The following TAFA2 variants were observed in gnomAD, a reference collection of about 807,000 sequenced individuals.
TAFA2 encodes the protein chemokine-like protein TAFA-2.
Under a neutral mutation model 18.8 loss-of-function variants are expected in TAFA2, and 7 were observed. The observed-to-expected ratio is 0.37, with a 90% CI of 0.21 to 0.70. The LOEUF is 0.70. TAFA2 is among the 30% of genes least tolerant of loss of function. The probability of loss-of-function intolerance (pLI) is 0.53; values close to 1 mark genes in which losing one functional copy is unlikely to be tolerated. For missense variants in TAFA2, 122 were observed against 158.1 expected, an observed-to-expected ratio of 0.77 and a Z score of 1.23; for synonymous variants, 60 against 54.2, an observed-to-expected ratio of 1.11 and a Z score of -0.47.
chr12:62,079,790 T>G (rs1868292463), intron 1 of TAFA2, among the ~76,000 whole-genome samples: 1 of 152,158 alleles, frequency 6.6e-6, no homozygotes, highest in Non-Finnish European at 1.5e-5. Flanking sequence ...TTTTATCAGG[T>G]GAAGCTTCTC....
At chr12:61,889,318 G>A (rs1305508880) in intron 1 of TAFA2, among the ~76,000 whole-genome samples, 1 of 152,086 alleles carries the variant, frequency 6.6e-6, no homozygotes, top group African/African-American at 2.4e-5. Context: ...AAGATCAAAA[G>A]GGACAAACGT....
intron 1 of TAFA2, among the ~76,000 whole-genome samples, chr12:62,095,854 T>G (rs1276400297): frequency 6.6e-6 from 1 of 152,156 alleles, no homozygotes; most frequent in Non-Finnish European, 1.5e-5. Flanking sequence ...AACCAGTCTT[T>G]GTGAACTGTC....
chr12:61,845,353 A>AG (rs1388699064), intron 2 of TAFA2, among the ~76,000 whole-genome samples: 1 of 152,118 alleles, frequency 6.6e-6, no homozygotes, highest in Non-Finnish European at 1.5e-5. Context: ...ACAGTCTCTA[A>AG]GAAAAAAAAA....
chr12:62,127,240 A>C (rs756300155), intron 1 of TAFA2, among the ~76,000 whole-genome samples: 13 of 152,030 alleles, frequency 8.6e-5, no homozygotes, highest in Non-Finnish European at 1.3e-4. Context: ...CTGCTGAAGG[A>C]TTGGTTTAGA....
intron 1 of TAFA2, chr12:61,890,418 A>G (rs900897746): frequency 1.3e-5 from 2 of 152,256 alleles, no homozygotes; most frequent in Admixed American, 6.5e-5. Flanking sequence ...TGACTCTGAA[A>G]TGCAGCTGTG....
At chr12:62,002,064 T>C (rs1393491853) in intron 1 of TAFA2, among the ~76,000 whole-genome samples, 1 of 152,134 alleles carries the variant, frequency 6.6e-6, no homozygotes, top group Non-Finnish European at 1.5e-5. Flanking sequence ...ACATCGCTTG[T>C]CCCCTTTGTC....
chr12:61,768,948 C>T lies in TAFA2; in HGVS notation c.107-13924G>A, dbSNP rs115518972. ...CAGCAGGGAGGCTTGTATCCTGGGGCACCTTCTCACCCCTGCTCACTGGCT... is the reference window on the plus strand; with the variant it reads ...CAGCAGGGAGGCTTGTATCCTGGGGTACCTTCTCACCCCTGCTCACTGGCT... On this transcript the variant is annotated intron_variant, in intron 2 of 4. Coordinates refer to ENST00000416284, the MANE Select transcript of TAFA2 (RefSeq NM_178539.5). 1.4e-3 allele frequency among the ~76,000 whole-genome samples: 208 copies of T among 152,024 alleles called. 1 individual carries two copies. Among genetic ancestry groups the T allele is most frequent in the African/African-American group, 4.8e-3 (198 of 41,492 alleles).
chr12:61,909,822 T>A (rs1359292628), intron 1 of TAFA2, among the ~76,000 whole-genome samples: 1 of 152,098 alleles, frequency 6.6e-6, no homozygotes, highest in Non-Finnish European at 1.5e-5. Flanking sequence ...AAGAGAGTGA[T>A]CAAAGTTTGG....
At chr12:62,198,166 G>T (rs555733124) in intron 1 of TAFA2, 3 of 151,380 alleles carry the variant, frequency 2.0e-5, no homozygotes, top group African/African-American at 4.9e-5. Flanking sequence ...TAAAGCAGAC[G>T]ATATAAACCC....
At chr12:62,086,637 G>A (rs1385948532) in intron 1 of TAFA2, among the ~76,000 whole-genome samples, 1 of 152,020 alleles carries the variant, frequency 6.6e-6, no homozygotes, top group African/African-American at 2.4e-5. Context: ...ACCCAAAAAA[G>A]GGTAGGGGGT....
At chr12:61,821,149 A>ACG (rs1872306623) in intron 2 of TAFA2, among the ~76,000 whole-genome samples, 2 of 151,756 alleles carry the variant, frequency 1.3e-5, no homozygotes, top group Non-Finnish European at 2.9e-5. Flanking sequence ...ACACACACAC[A>ACG]CACACACACA....
At chr12:61,861,721 G>A (rs531356433) in intron 2 of TAFA2, among the ~76,000 whole-genome samples, 32 of 152,180 alleles carry the variant, frequency 2.1e-4, no homozygotes, top group Admixed American at 2.0e-3. Context: ...CCCAGGCTTT[G>A]AACTAAAAAT....
intron 1 of TAFA2, among the ~76,000 whole-genome samples, chr12:62,169,310 C>G (rs1052954354): frequency 1.3e-5 from 2 of 152,110 alleles, no homozygotes; most frequent in African/African-American, 2.4e-5. Flanking sequence ...CACTCCAATA[C>G]TAGTTGTCTG....
chr12:61,907,820 GGT>G (rs1876427307), intron 1 of TAFA2, among the ~76,000 whole-genome samples: 2 of 152,170 alleles, frequency 1.3e-5, no homozygotes. Context: ...CTTTTGCATC[GGT>G]GTGCCCTGGA....
intron 4 of TAFA2, among the ~76,000 whole-genome samples, chr12:61,726,356 C>A: frequency 6.6e-6 from 1 of 151,904 alleles, no homozygotes; most frequent in East Asian, 1.9e-4. Flanking sequence ...TTGATTCTAC[C>A]CATCCATGAG....
chr12:61,963,836 A>G (rs1475756748), intron 1 of TAFA2, among the ~76,000 whole-genome samples: 1 of 152,072 alleles, frequency 6.6e-6, no homozygotes, highest in Non-Finnish European at 1.5e-5. Context: ...CTATACTACA[A>G]GGATACAATA....
intron 1 of TAFA2, among the ~76,000 whole-genome samples, chr12:62,032,047 A>G (rs996623219): frequency 6.6e-6 from 1 of 152,180 alleles, no homozygotes; most frequent in Non-Finnish European, 1.5e-5. Flanking sequence ...TTTATAACTT[A>G]AATAACATTG....
intron 2 of TAFA2, among the ~76,000 whole-genome samples, chr12:61,787,936 CTGTG>C (rs1239142313): frequency 1.2e-4 from 18 of 151,562 alleles, no homozygotes; most frequent in African/African-American, 4.4e-4. Flanking sequence ...CAAGACTCAA[CTGTG>C]TGCTGCTTAT....
At chr12:61,831,351 A>G (rs1052011077) in intron 2 of TAFA2, among the ~76,000 whole-genome samples, 1 of 152,112 alleles carries the variant, frequency 6.6e-6, no homozygotes, top group African/African-American at 2.4e-5. Flanking sequence ...GGAAACTCTG[A>G]GAACATTTAC....
Sources: gnomAD v4.1 joint callset for allele counts (sites outside exome capture counted in the v4.1 genomes callset) on GRCh38, gnomAD v4.1.1 for gene constraint, MANE v1.5 for transcripts, NCBI Gene and HGNC (gene_info 2026-07-23, HGNC 2026-07-21) for gene names.